The following MAOB variants were observed in gnomAD, a reference collection of about 807,000 sequenced individuals.
MAOB encodes the protein amine oxidase [flavin-containing] B.
In MAOB, 15 loss-of-function variants were observed where a neutral mutation model predicts 41.9. The observed-to-expected ratio is 0.36, with a 90% CI of 0.24 to 0.55. MAOB has a LOEUF of 0.55. MAOB is among the 20% of genes least tolerant of loss of function. The pLI is 0.86. For synonymous variants in MAOB, 167 were observed against 144.2 expected, an observed-to-expected ratio of 1.16 and a Z score of -1.13; for missense variants, 345 against 398.7, an observed-to-expected ratio of 0.87 and a Z score of 1.15.
intron 3 of MAOB, among the ~76,000 whole-genome samples, chrX:43,822,314 C>G (rs2034891801): frequency 4.4e-5 from 5 of 112,365 alleles, no homozygotes; most frequent in Non-Finnish European, 9.4e-5. Context: ...TCAAAGGAGA[C>G]TTTATGCACA....
In MAOB at chrX:43,859,486, C is replaced by A. The variant is rs766774652; in HGVS notation, c.47-15722G>T. ...AAACTTCCTACATGACACCATCCGA[C>A]CTCCATCCCTCTTCAGCTGATGATC... On this transcript the variant is annotated intron_variant, in intron 1 of 14. Coordinates refer to ENST00000378069, the MANE Select transcript of MAOB (RefSeq NM_000898.5). 1.3e-4 allele frequency among the ~76,000 whole-genome samples: 14 copies of A among 111,734 alleles called. No homozygotes were observed. The East Asian group carries it at 3.6e-3, about 29-fold the overall frequency.
At position 43,767,477 on chromosome X, in the gene MAOB, C is replaced by T; in HGVS notation, c.1552G>A (p.Val518Met). The T allele has an allele frequency of 8.3e-7, 1 of 1,209,612 alleles. No individual in the cohort carries two copies. Among genetic ancestry groups the T allele is most frequent in the Non-Finnish European group, 1.1e-6 (1 of 894,568 alleles). ...GFLAHKRGLLVRV is the reference protein window; with the variant it reads ...GFLAHKRGLLMRV ...GACACCCTCTCTCTTTAGACTCTCA[C>T]AAGTAGCCCCCTTTTGTGGGCCAGG... is the stretch of plus-strand genomic sequence containing the variant. The change falls in exon 15 of 15, where the codon GTG (valine) becomes ATG (methionine). Residue 518 changes from valine (V) to methionine (M), a missense_variant. By Grantham distance (21) the Val-to-Met change is conservative. Coordinates refer to ENST00000378069, the MANE Select transcript of MAOB (RefSeq NM_000898.5).
chrX:43,830,070 T>C (rs1324252102), intron 3 of MAOB, among the ~76,000 whole-genome samples: 4 of 112,453 alleles, frequency 3.6e-5, no homozygotes, highest in Non-Finnish European at 7.5e-5. Flanking sequence ...AAATAAAATG[T>C]ATTATAAAAA....
At chrX:43,842,024 G>A (rs1244061331) in intron 2 of MAOB, among the ~76,000 whole-genome samples, 1 of 111,590 alleles carries the variant, frequency 9.0e-6, no homozygotes, top group Non-Finnish European at 1.9e-5. Flanking sequence ...ATGATTTTTT[G>A]GATATGGCCC....
At chrX:43,844,598 A>C (rs1357248687) in intron 1 of MAOB, 1 of 112,225 alleles carries the variant, frequency 8.9e-6, no homozygotes, top group Non-Finnish European at 1.9e-5. Context: ...GGAGAGGAAA[A>C]CCGGCTCTCA....
chrX:43,794,263 C>G (rs1032762020), intron 7 of MAOB, among the ~76,000 whole-genome samples: 1 of 111,048 alleles, frequency 9.0e-6, no homozygotes, highest in Non-Finnish European at 1.9e-5. Context: ...ATCTTCTTCT[C>G]TCAGGGAACC....
intron 3 of MAOB, among the ~76,000 whole-genome samples, chrX:43,821,236 C>T (rs2034876052): frequency 1.8e-5 from 2 of 111,526 alleles, no homozygotes; most frequent in South Asian, 7.7e-4. Flanking sequence ...CATCACTGAG[C>T]ATGCTGGGAT....
At chrX:43,862,418 A>G (rs1319381044) in intron 1 of MAOB, among the ~76,000 whole-genome samples, 1 of 112,191 alleles carries the variant, frequency 8.9e-6, no homozygotes, top group African/African-American at 3.2e-5. Context: ...TTATTTTCAC[A>G]TTTGTTAACT....
chrX:43,857,104 TATATATATATATAGAGAGAG>T (rs1233238304), intron 1 of MAOB, among the ~76,000 whole-genome samples: 7 of 24,060 alleles, frequency 2.9e-4, no homozygotes, highest in Non-Finnish European at 4.7e-4. Context: ...TATATATATA[TATATATATATATAGAGAGAG>T]AGAGAGAGAG....
chrX:43,877,648 C>G (rs777849304), intron 1 of MAOB, among the ~76,000 whole-genome samples: 1 of 111,839 alleles, frequency 8.9e-6, no homozygotes, highest in African/African-American at 3.3e-5. Flanking sequence ...AATCAAATGG[C>G]TGAAATGAAG....
chrX:43,877,884 C>T (rs766846139), intron 1 of MAOB, among the ~76,000 whole-genome samples: 1 of 112,557 alleles, frequency 8.9e-6, no homozygotes, highest in African/African-American at 3.2e-5. Flanking sequence ...CGTCCTGTTG[C>T]CACCTTATCT....
At chrX:43,871,697 T>C (rs1350867321) in intron 1 of MAOB, among the ~76,000 whole-genome samples, 5 of 108,336 alleles carry the variant, frequency 4.6e-5, no homozygotes, top group Non-Finnish European at 1.9e-5. Flanking sequence ...AATCAACGAA[T>C]GAACAAATTT....
intron 3 of MAOB, among the ~76,000 whole-genome samples, chrX:43,805,132 G>A (rs1045628488): frequency 4.5e-5 from 5 of 111,160 alleles, no homozygotes; most frequent in Middle Eastern, 4.7e-3. Context: ...ATTAACATAC[G>A]CATTACCTTA....
intron 1 of MAOB, among the ~76,000 whole-genome samples, chrX:43,854,443 A>G (rs754339753): frequency 2.7e-5 from 3 of 111,719 alleles, no homozygotes; most frequent in Non-Finnish European, 5.6e-5. Flanking sequence ...GTTCTTATTC[A>G]TAAGTGGGAG....
intron 12 of MAOB, among the ~76,000 whole-genome samples, chrX:43,770,887 C>T (rs1314146726): frequency 8.9e-6 from 1 of 112,028 alleles, no homozygotes; most frequent in Non-Finnish European, 1.9e-5. Flanking sequence ...AGGGGCAGTT[C>T]ATTGTTGCTC....
rs189500265 is a variant in MAOB at position 43,864,725 on chromosome X, G to A, written c.46+17529C>T. Among the ~76,000 whole-genome samples the A allele has an allele frequency of 2.7e-5, 3 of 111,471 alleles. No individual in the cohort carries two copies. The Admixed American group carries it at 2.9e-4, about 11-fold the overall frequency. Reference sequence around the variant, plus strand: ...ACATGGATGCTCTACTTAATGTTTGGAACTGGGTCAGAACTAGACAGAACT... The same window carrying A: ...ACATGGATGCTCTACTTAATGTTTGAAACTGGGTCAGAACTAGACAGAACT... On this transcript the variant is annotated intron_variant, in intron 1 of 14. Transcript: ENST00000378069.
chrX:43,835,218 T>A (rs1273566648), intron 3 of MAOB, among the ~76,000 whole-genome samples: 1 of 112,432 alleles, frequency 8.9e-6, no homozygotes, highest in Non-Finnish European at 1.9e-5. Flanking sequence ...TTTGTTTTTA[T>A]CTTTTTCTTT....
chrX:43,866,410 A>G (rs758094320), intron 1 of MAOB, among the ~76,000 whole-genome samples: 58 of 112,527 alleles, frequency 5.2e-4, no homozygotes, highest in African/African-American at 1.9e-3. Flanking sequence ...GTAAGAATGA[A>G]CTAGAAGGAT....
intron 6 of MAOB, among the ~76,000 whole-genome samples, chrX:43,796,331 C>T (rs1363930818): frequency 1.8e-5 from 2 of 111,429 alleles, no homozygotes; most frequent in Non-Finnish European, 3.8e-5. Flanking sequence ...GTCCCCTTCC[C>T]CCAGGCCAGC....
Sources: gnomAD v4.1 joint callset for allele counts (sites outside exome capture counted in the v4.1 genomes callset) on GRCh38, gnomAD v4.1.1 for gene constraint, MANE v1.5 for transcripts, NCBI Gene and HGNC (gene_info 2026-07-23, HGNC 2026-07-21) for gene names.